The following P3H1 variants were observed in gnomAD, a reference collection of about 807,000 sequenced individuals.
P3H1 encodes prolyl 3-hydroxylase 1.
P3H1 carries 69 observed loss-of-function variants against 84.0 expected under a neutral mutation model. The observed-to-expected ratio is 0.82, with a 90% CI of 0.68 to 1.00. The LOEUF (loss-of-function observed/expected upper bound fraction) is 1.00. Ranked by LOEUF, P3H1 falls within the 50% of genes least tolerant of loss-of-function variation. P3H1 has a pLI of 0.00. For synonymous variants in P3H1, 366 were observed against 388.8 expected (o/e 0.94, Z 0.69); for missense variants, 878 against 962.8 (o/e 0.91, Z 1.17).
rs1651811244 is a variant in P3H1, at chr1:42,747,764, C to T, written c.1873G>A (p.Gly625Arg). ...ILYLNGDFDG[G>R]NFYFTELDAK... is the part of the protein sequence containing the mutation. ...TCCAGTTCAGTGAAATAAAAGTTTC[C>T]GCCATCGAAGTCCCCATTTAGGTAA... Residue 625 changes from glycine (G) to arginine (R), a missense_variant, in exon 13 of 15, where the codon GGA (glycine) becomes AGA (arginine). Gly to Arg is a moderately radical substitution (Grantham distance 125). Transcript: ENST00000296388. 4 of 1,614,168 alleles carry T rather than the reference C, an allele frequency of 2.5e-6. No homozygotes were observed. The highest frequency in any genetic ancestry group is 1.1e-5 in the South Asian group (1 of 91,082).
At chr1:42,750,930 G>A (rs1327401850) in intron 10 of P3H1, among the ~76,000 whole-genome samples, 22 of 133,822 alleles carry the variant, frequency 1.6e-4, no homozygotes, top group East Asian at 2.3e-4. Context: ...CAGCCGCCCC[G>A]TCCGGGAGGG....
At chr1:42,749,992 C>A (rs955896532) in intron 11 of P3H1, 194 bp downstream of exon 11, 3 of 656,630 alleles carry the variant, frequency 4.6e-6, no homozygotes, top group African/African-American at 1.8e-5. Flanking sequence ...CCTTCTTGAT[C>A]CCCAGGTAGG....
chr1:42,750,262 G>T lies in P3H1; in HGVS notation c.1644C>A (p.Ile548=). Residue 548 remains isoleucine (I), a synonymous_variant, in exon 11 of 15, where the codon ATC becomes ATA. Coordinates refer to ENST00000296388, the MANE Select transcript of P3H1 (RefSeq NM_022356.4). ...TATCCAGGCGGAAGTAGGACTCCAT[G>T]ATGCGCCGCACCTTCTCCGTCACGT... ...YYNVTEKVRR[I]MESYFRLDTP... is the part of the protein sequence containing the mutation. 2 of 1,614,026 alleles carry T rather than the reference G, an allele frequency of 1.2e-6. No individual in the cohort carries two copies. Among genetic ancestry groups the T allele is most frequent in the Non-Finnish European group, 1.7e-6 (2 of 1,179,984 alleles).
chr1:42,747,062 T>A (rs1275447967), intron 14 of P3H1: 8 of 1,614,070 alleles, frequency 5.0e-6, no homozygotes, highest in Non-Finnish European at 6.8e-6. Flanking sequence ...TCTTGACCTC[T>A]TTCCCCACCT....
chr1:42,757,942 A>C lies in P3H1; in HGVS notation c.941-20T>G. The C allele has an allele frequency of 6.2e-7, 1 of 1,610,120 alleles. No individual in the cohort carries two copies. The highest frequency in any genetic ancestry group is 2.2e-5 in the East Asian group (1 of 44,856). Reference sequence around the variant, plus strand: ...TCCCAACTGCAAAGTGGAAAGAAGAATGGCTGAGAGGAAAGAGTCAAAAGG... The same window carrying C: ...TCCCAACTGCAAAGTGGAAAGAAGACTGGCTGAGAGGAAAGAGTCAAAAGG... On this transcript the variant is annotated intron_variant, in intron 4 of 14. Coordinates refer to ENST00000296388, the MANE Select transcript of P3H1 (RefSeq NM_022356.4).
rs931894319 is a variant in P3H1, at chr1:42,747,906, G to A, written c.1839-108C>T. 43 of 1,067,050 alleles carry A rather than the reference G, an allele frequency of 4.0e-5. No individual in the cohort carries two copies. The Admixed American group carries it at 7.2e-4, about 18-fold the overall frequency. 66.1% of individuals were successfully genotyped at this position (1,067,050 alleles called of 1,614,324 possible). On this transcript the variant is annotated intron_variant, in intron 12 of 14. Transcript: ENST00000296388. ...GCAGCAGGAGGGTGGCTTTGTGTGG[G>A]AGGGAAACCTTTAAGAACCTATACT...
At chr1:42,749,113 C>A (rs1024817720) in intron 11 of P3H1, among the ~76,000 whole-genome samples, 6 of 152,246 alleles carry the variant, frequency 3.9e-5, no homozygotes, top group Admixed American at 2.0e-4. Context: ...ACACACACAG[C>A]AGCAAAATGA....
chr1:42,747,433 G>C, intron 13 of P3H1, 21 bp from the exon 14 acceptor site: 1 of 1,603,028 alleles, frequency 6.2e-7, no homozygotes, highest in South Asian at 1.1e-5. Flanking sequence ...CAGAAAGGGA[G>C]GGGGGTTGCA....
intron 10 of P3H1, among the ~76,000 whole-genome samples, 190 bp downstream of exon 10, chr1:42,752,084 A>C (rs1652131078): frequency 1.3e-5 from 2 of 152,190 alleles, no homozygotes; most frequent in South Asian, 2.1e-4. Context: ...TTTTGATTAC[A>C]CTCGGTCTAA....
rs1427697122 is a variant in P3H1, at chr1:42,750,674, C to T, written c.1570-338G>A. Among the ~76,000 whole-genome samples, 3 of 131,078 alleles carry T rather than the reference C, an allele frequency of 2.3e-5. 1 individual carries two copies. Among genetic ancestry groups the T allele is most frequent in the Non-Finnish European group, 4.9e-5 (3 of 61,398 alleles). 86.0% of individuals were successfully genotyped at this position (131,078 alleles called of 152,430 possible). ...CCGGGGGGGGTGGTCGGCCAGCCGC[C>T]CCGTCCGGGAGGGAGGTGGGGGGGT... On this transcript the variant is annotated intron_variant, in intron 10 of 14. Transcript: ENST00000296388.
chr1:42,749,017 C>T (rs1050044575), intron 11 of P3H1, among the ~76,000 whole-genome samples: 1 of 152,266 alleles, frequency 6.6e-6, no homozygotes, highest in African/African-American at 2.4e-5. Flanking sequence ...TCCCTCCTCC[C>T]ACTGCCACTT....
In P3H1 at chr1:42,746,732, A is replaced by G; in HGVS notation, c.2176T>C (p.Ser726Pro). 2 of 1,552,198 alleles carry G rather than the reference A, an allele frequency of 1.3e-6. No homozygotes were observed. Among genetic ancestry groups the G allele is most frequent in the Non-Finnish European group, 1.7e-6 (2 of 1,147,232 alleles). Residue 726 changes from serine to proline, a missense_variant, in exon 15 of 15, where the codon TCA (serine) becomes CCA (proline). Physicochemically the swap from Ser to Pro is moderately conservative, Grantham distance 74. Coordinates refer to ENST00000296388, the MANE Select transcript of P3H1 (RefSeq NM_022356.4). ...TCCTTGGGCTTCGATTCACTGCCTG[A>G]GAGAGACTCTTGTGCAGGTTCGGGG... Reference protein sequence around the residue: ...GPPEPAQESLSGSESKPKDEL With the variant: ...GPPEPAQESLPGSESKPKDEL
At position 42,757,808 on chromosome 1, in the gene P3H1, T is replaced by A. The variant is rs959483575; in HGVS notation, c.1055A>T (p.His352Leu). 2 of 1,614,212 alleles carry A rather than the reference T, an allele frequency of 1.2e-6. No individual in the cohort carries two copies. Among genetic ancestry groups the A allele is most frequent in the Non-Finnish European group, 1.7e-6 (2 of 1,180,028 alleles). The change falls in exon 5 of 15, where the codon CAC becomes CTC. Residue 352 changes from histidine (H) to leucine (L), a missense_variant. Transcript: ENST00000296388. ...AYYAAMLGEE[H>L]TRSIGPRESA... ...CTCACGGGGGCCGATGGATCTGGTG[T>A]GTTCTTCTCCAAGCATAGCTGCATA...
In P3H1 at chr1:42,759,257, T is replaced by A; in HGVS notation, c.752A>T (p.Asp251Val). 6.2e-7 allele frequency: 1 copy of A among 1,614,160 alleles called. No individual in the cohort carries two copies. The change falls in exon 3 of 15, where the codon GAC becomes GTC. Residue 251 changes from aspartate (D) to valine (V), a missense_variant. Transcript: ENST00000296388. Reference protein sequence around the residue: ...ECRALCEGPYDYDGYNYLEYN... With the variant: ...ECRALCEGPYVYDGYNYLEYN... ...CTCAAGGTAGTTGTAGCCATCGTAG[T>A]CATAGGGCCCTTCGCAGAGGGCACG... is the stretch of plus-strand genomic sequence containing the variant.
chr1:42,755,541 AG>A lies in P3H1; in HGVS notation c.1170+6del, dbSNP rs1652352191. On this transcript the variant is annotated splice_donor_region_variant and intron_variant, in intron 6 of 14. Transcript: ENST00000296388. ...CGCTCCCTTCCGGCTCCTGTACCCT[AG>A]CTCACCGGATCCACAAAGGGAATTC... The A allele has an allele frequency of 6.8e-6, 11 of 1,609,752 alleles. No individual in the cohort carries two copies. Among genetic ancestry groups the A allele is most frequent in the Non-Finnish European group, 9.4e-6 (11 of 1,176,294 alleles).
chr1:42,763,853 G>A (rs1395575587), intron 1 of P3H1, among the ~76,000 whole-genome samples: 6 of 151,894 alleles, frequency 4.0e-5, no homozygotes, highest in Non-Finnish European at 7.4e-5. Context: ...GTATCAAAGA[G>A]ACCAGCCGTG....
In P3H1 at chr1:42,754,476, G is replaced by A. The variant is rs1296300576; in HGVS notation, c.1345+393C>T. On this transcript the variant is annotated intron_variant, in intron 8 of 14. Coordinates refer to ENST00000296388, the MANE Select transcript of P3H1 (RefSeq NM_022356.4). This position sits in a 1 kb window ranked among gnomAD's most constrained non-coding sequence, Gnocchi z 4.0. ...AGGATGAGTTAATACCTATGGAAGTGGACAACACTAGTCACTCATGTTTCT... is the reference window on the plus strand; with the variant it reads ...AGGATGAGTTAATACCTATGGAAGTAGACAACACTAGTCACTCATGTTTCT... Among the ~76,000 whole-genome samples the A allele has an allele frequency of 1.3e-5, 2 of 152,078 alleles. No individual in the cohort carries two copies. The highest frequency in any genetic ancestry group is 1.9e-4 in the East Asian group (1 of 5,182).
chr1:42,750,680 C>T (rs1318668880), intron 10 of P3H1, among the ~76,000 whole-genome samples: 2 of 122,230 alleles, frequency 1.6e-5, no homozygotes, highest in Admixed American at 7.8e-5. Flanking sequence ...CCGCCCCGTC[C>T]GGGAGGGAGG....
Position 42,748,356 on chromosome 1 carries a change from C to A in P3H1, c.1721-39G>T, listed in dbSNP as rs11580831. The A allele has an allele frequency of 2.8e-6, 4 of 1,446,078 alleles. No homozygotes were observed. The African/African-American group carries it at 4.2e-5, about 15-fold the overall frequency. The allele number at this position is 1,446,078 out of a possible 1,614,324, so 89.6% of individuals were successfully genotyped here. ...CACACATGTTAGCAAGGGAGCACCTCGGGAGACGGCATAGCTCTCTTCTTG... is the reference window on the plus strand; with the variant it reads ...CACACATGTTAGCAAGGGAGCACCTAGGGAGACGGCATAGCTCTCTTCTTG... On this transcript the variant is annotated intron_variant, in intron 11 of 14. Coordinates refer to ENST00000296388, the MANE Select transcript of P3H1 (RefSeq NM_022356.4).
Sources: allele counts gnomAD v4.1 joint callset (sites outside exome capture counted in the v4.1 genomes callset), GRCh38; gene constraint gnomAD v4.1.1; non-coding constraint Gnocchi (gnomAD v3.1); transcripts MANE v1.5; gene names NCBI Gene and HGNC (gene_info 2026-07-23, HGNC 2026-07-21).